Variants in ZCCHC24 observed in about 807,000 individuals in gnomAD.
ZCCHC24 encodes the protein zinc finger CCHC-type containing 24.
In ZCCHC24, 10 loss-of-function variants were observed where a neutral mutation model predicts 26.2. That is an observed-to-expected ratio of 0.38 (90% CI 0.24 to 0.65). The LOEUF is 0.65. ZCCHC24 is among the 30% of genes least tolerant of loss of function. The pLI, the probability that ZCCHC24 is intolerant of heterozygous loss-of-function variation, is 0.54. For synonymous variants in ZCCHC24, 144 were observed against 147.1 expected, an observed-to-expected ratio of 0.98 and a Z score of 0.15; for missense variants, 243 against 329.1, an observed-to-expected ratio of 0.74 and a Z score of 2.03.
intron 3 of ZCCHC24, 150 bp downstream of exon 3, chr10:79,394,126 C>CT: frequency 8.6e-7 from 1 of 1,166,180 alleles, no homozygotes; most frequent in Non-Finnish European, 1.2e-6. Flanking sequence ...TCCTCCTTCC[C>CT]TTCCCTTCCC....
chr10:79,435,734 G>T (rs1857207477), intron 1 of ZCCHC24, among the ~76,000 whole-genome samples: 2 of 152,244 alleles, frequency 1.3e-5, no homozygotes, highest in African/African-American at 4.8e-5. Flanking sequence ...AGGGTACCCA[G>T]CCAGGCCCCA....
intron 2 of ZCCHC24, among the ~76,000 whole-genome samples, chr10:79,414,327 A>C (rs1042092442): frequency 3.3e-5 from 5 of 152,254 alleles, no homozygotes; most frequent in Admixed American, 6.5e-5. Flanking sequence ...TTCATTTTAG[A>C]GAAGAATAAT....
chr10:79,430,712 A>ACC (rs1554842364), intron 2 of ZCCHC24, among the ~76,000 whole-genome samples: 4 of 149,010 alleles, frequency 2.7e-5, no homozygotes, highest in Non-Finnish European at 3.0e-5. Context: ...ACACACACAC[A>ACC]CCCTCTGCTA....
chr10:79,436,205 C>T (rs764908051), intron 1 of ZCCHC24, among the ~76,000 whole-genome samples: 9 of 152,302 alleles, frequency 5.9e-5, no homozygotes, highest in South Asian at 2.1e-4. Flanking sequence ...ATGCCCACCG[C>T]GCAGCTCTGC....
intron 2 of ZCCHC24, among the ~76,000 whole-genome samples, chr10:79,409,967 G>A (rs937319501): frequency 2.6e-5 from 4 of 152,230 alleles, no homozygotes; most frequent in Admixed American, 6.5e-5. Flanking sequence ...CAGGGGATGC[G>A]TTCAACCCTG....
At position 79,386,029 on chromosome 10, in the gene ZCCHC24, G is replaced by T. The variant is rs1256479358; in HGVS notation, c.*316C>A. On this transcript the variant is annotated 3_prime_UTR_variant, in exon 4 of 4. Coordinates refer to ENST00000372336, the MANE Select transcript of ZCCHC24 (RefSeq NM_153367.4). The stretch of plus-strand genomic sequence containing the variant: ...GCTGCTCACCCCAAAGAGGCTCTCA[G>T]AGGCGAGCCTGTGGGGACACCCAGG... 1 of 522,408 alleles carries T rather than the reference G, an allele frequency of 1.9e-6. No homozygotes were observed. The highest frequency in any genetic ancestry group is 2.8e-5 in the East Asian group (1 of 35,272). The allele number at this position is 522,408 out of a possible 1,614,324, so 32.4% of individuals were successfully genotyped here. A position where few individuals can be genotyped will look rare whatever the true frequency, so the allele number is the denominator to read the frequency against.
chr10:79,385,927 G>A lies in ZCCHC24; in HGVS notation c.*418C>T. 4.8e-6 allele frequency: 2 copies of A among 412,566 alleles called. No homozygotes were observed. The highest frequency in any genetic ancestry group is 3.5e-5 in the East Asian group (1 of 28,646). 25.6% of individuals were successfully genotyped at this position (412,566 alleles called of 1,614,324 possible). On this transcript the variant is annotated 3_prime_UTR_variant, in exon 4 of 4. Coordinates refer to ENST00000372336, the MANE Select transcript of ZCCHC24 (RefSeq NM_153367.4). This position sits in a 1 kb window ranked among gnomAD's most constrained non-coding sequence, Gnocchi z 4.3. ...TACAGGGCAAACCGGAAGGTTCTGG[G>A]TGGGGGCAGGCGGCCTGGCTGGTCT...
intron 2 of ZCCHC24, 198 bp from the exon 3 acceptor site, chr10:79,394,638 C>G (rs1856521122): frequency 1.0e-6 from 1 of 985,288 alleles, no homozygotes; most frequent in Non-Finnish European, 1.2e-6. Flanking sequence ...ACATAGGGAA[C>G]AGAAAACAGA....
intron 1 of ZCCHC24, among the ~76,000 whole-genome samples, chr10:79,434,064 T>C (rs939064848): frequency 6.6e-6 from 1 of 152,216 alleles, no homozygotes; most frequent in Non-Finnish European, 1.5e-5. Flanking sequence ...GTGCCACTGA[T>C]GTTCTTGGTG....
At chr10:79,402,838 G>A (rs1415054539) in intron 2 of ZCCHC24, among the ~76,000 whole-genome samples, 3 of 152,166 alleles carry the variant, frequency 2.0e-5, no homozygotes, top group Admixed American at 6.5e-5. Context: ...TCCGTGAGAC[G>A]GTTGAGAGAA....
chr10:79,426,658 C>T (rs968466351), intron 2 of ZCCHC24, among the ~76,000 whole-genome samples: 1 of 151,724 alleles, frequency 6.6e-6, no homozygotes, highest in Non-Finnish European at 1.5e-5. Flanking sequence ...CCTAGAGCAA[C>T]CCTAAAAAAA....
intron 1 of ZCCHC24, among the ~76,000 whole-genome samples, chr10:79,438,943 G>A (rs776296895): frequency 3.2e-4 from 48 of 152,196 alleles, no homozygotes; most frequent in Non-Finnish European, 6.3e-4. Context: ...TACTGCTAGA[G>A]CATATTTGTT....
rs925761331 is a variant in ZCCHC24, at chr10:79,424,272, T to C, written c.447+8286A>G. 3.3e-5 allele frequency among the ~76,000 whole-genome samples: 5 copies of C among 152,250 alleles called. 1 individual carries two copies. Among genetic ancestry groups the C allele is most frequent in the Admixed American group, 6.5e-5 (1 of 15,290 alleles). On this transcript the variant is annotated intron_variant, in intron 2 of 3. Transcript: ENST00000372336. The stretch of plus-strand genomic sequence containing the variant: ...GAGGGAGCCTTTCCTGTTTTGCTCA[T>C]TGTGGTGTCCTCTAATGCTTGCTAT...
chr10:79,429,243 G>C (rs1209946672), intron 2 of ZCCHC24, among the ~76,000 whole-genome samples: 1 of 152,186 alleles, frequency 6.6e-6, no homozygotes, highest in East Asian at 1.9e-4. Context: ...TCTACAGAGA[G>C]AGAAATAGAT....
At chr10:79,427,035 G>A (rs940539343) in intron 2 of ZCCHC24, among the ~76,000 whole-genome samples, 2 of 151,536 alleles carry the variant, frequency 1.3e-5, no homozygotes, top group East Asian at 3.9e-4. Flanking sequence ...TAGAAAGCTA[G>A]GTATACTAAT....
At chr10:79,431,169 G>A (rs1176508879) in intron 2 of ZCCHC24, among the ~76,000 whole-genome samples, 3 of 152,212 alleles carry the variant, frequency 2.0e-5, no homozygotes, top group African/African-American at 7.2e-5. Flanking sequence ...TGAGCTGGGG[G>A]CCCCTGTGCT....
chr10:79,388,454 C>T (rs1309004542), intron 3 of ZCCHC24, among the ~76,000 whole-genome samples: 1 of 152,230 alleles, frequency 6.6e-6, no homozygotes, highest in African/African-American at 2.4e-5. Context: ...AGTTTACTGC[C>T]TGCACTGTAA....
chr10:79,444,698 G>C (rs758509561), intron 1 of ZCCHC24, among the ~76,000 whole-genome samples: 1 of 152,228 alleles, frequency 6.6e-6, no homozygotes, highest in Admixed American at 6.5e-5. Flanking sequence ...GGTGCCTTTC[G>C]GGTCGGGAAC....
At chr10:79,423,581 C>CTATATATATATATATATATATATATATA (rs561884774) in intron 2 of ZCCHC24, among the ~76,000 whole-genome samples, 32 of 53,728 alleles carry the variant, frequency 6.0e-4, no homozygotes, top group African/African-American at 2.4e-3. Context: ...AATATATATA[C>CTATATATATATATATATATATATATATA]TATATATATA....
Sources: gnomAD v4.1 joint callset for allele counts (sites outside exome capture counted in the v4.1 genomes callset) on GRCh38, gnomAD v4.1.1 for gene constraint, Gnocchi (gnomAD v3.1) non-coding constraint, MANE v1.5 for transcripts, NCBI Gene and HGNC (gene_info 2026-07-23, HGNC 2026-07-21) for gene names.